GNAL: variants seen among roughly 807,000 people sequenced by gnomAD.
The protein encoded by GNAL is guanine nucleotide-binding protein G(olf) subunit alpha.
Under a neutral mutation model 55.1 loss-of-function variants are expected in GNAL, and 18 were observed. That is an observed-to-expected ratio of 0.33 (90% CI 0.23 to 0.48). The LOEUF (loss-of-function observed/expected upper bound fraction) is 0.48, where lower values mean the gene tolerates loss of function less well. GNAL is among the 20% of genes least tolerant of loss of function. The probability of loss-of-function intolerance (pLI) is 0.99; values close to 1 mark genes in which losing one functional copy is unlikely to be tolerated. For synonymous variants in GNAL, 253 were observed against 237.0 expected, an observed-to-expected ratio of 1.07 and a Z score of -0.62; for missense variants, 412 against 614.1, an observed-to-expected ratio of 0.67 and a Z score of 3.48.
chr18:11,753,727 T>G, intron 3 of GNAL, 45 bp downstream of exon 3: 2 of 1,459,936 alleles, frequency 1.4e-6, no homozygotes, highest in African/African-American at 1.4e-5. Flanking sequence ...GGTCAAGTGC[T>G]CTTCATTCTA....
At position 11,867,150 on chromosome 18, in the gene GNAL, C is replaced by A. The variant is rs2036281840; in HGVS notation, c.852-18C>A. On this transcript the variant is annotated intron_variant, in intron 7 of 11. Coordinates refer to ENST00000334049, the MANE Select transcript of GNAL (RefSeq NM_182978.4). Reference sequence around the variant, plus strand: ...CCTGCTTCCCCCAAATAATTGTGTTCCTCTTGCTCTTCCACAGCATGTTTG... The same window carrying A: ...CCTGCTTCCCCCAAATAATTGTGTTACTCTTGCTCTTCCACAGCATGTTTG... The A allele has an allele frequency of 1.9e-6, 3 of 1,596,062 alleles. No homozygotes were observed. Among genetic ancestry groups the A allele is most frequent in the East Asian group, 4.5e-5 (2 of 44,776 alleles).
chr18:11,843,449 A>C (rs375586670), intron 5 of GNAL, among the ~76,000 whole-genome samples: 1 of 151,718 alleles, frequency 6.6e-6, no homozygotes, highest in Non-Finnish European at 1.5e-5. Context: ...CACTTGAAGC[A>C]GGGAGGTGGA....
intron 1 of GNAL, among the ~76,000 whole-genome samples, chr18:11,737,586 G>C (rs1216666730): frequency 2.6e-5 from 4 of 152,158 alleles, no homozygotes; most frequent in Admixed American, 2.6e-4. Context: ...CCTTCCTTCT[G>C]AAAGCACAGC....
intron 1 of GNAL, among the ~76,000 whole-genome samples, chr18:11,729,381 A>G (rs562409345): frequency 1.3e-5 from 2 of 152,110 alleles, no homozygotes; most frequent in East Asian, 3.9e-4. Context: ...CTGCTCACCA[A>G]TTCCAGAGCT....
chr18:11,825,729 CAAAA>C (rs60460793), intron 5 of GNAL, among the ~76,000 whole-genome samples: 3 of 76,928 alleles, frequency 3.9e-5, no homozygotes, highest in African/African-American at 9.2e-5. Context: ...GACTCTGTCT[CAAAA>C]AAAAAAAAAA....
At chr18:11,726,957 G>A (rs1396328224) in intron 1 of GNAL, among the ~76,000 whole-genome samples, 2 of 151,542 alleles carry the variant, frequency 1.3e-5, no homozygotes, top group East Asian at 3.9e-4. Context: ...CTTAAGGTTA[G>A]AAAACATTTG....
At chr18:11,836,447 C>A (rs969735606) in intron 5 of GNAL, among the ~76,000 whole-genome samples, 4 of 151,944 alleles carry the variant, frequency 2.6e-5, no homozygotes, top group Admixed American at 6.6e-5. Context: ...ACTCTTATCT[C>A]AAAAAATAAT....
intron 1 of GNAL, among the ~76,000 whole-genome samples, chr18:11,716,500 G>A (rs1050224908): frequency 2.6e-5 from 4 of 152,170 alleles, no homozygotes; most frequent in Admixed American, 1.3e-4. Flanking sequence ...AGGTTGCCAC[G>A]GCTGGCTCTG....
intron 11 of GNAL, among the ~76,000 whole-genome samples, chr18:11,878,341 C>T (rs533992659): frequency 3.2e-4 from 48 of 152,220 alleles, no homozygotes; most frequent in African/African-American, 1.1e-3. Flanking sequence ...GTCCCAGCTA[C>T]TCAGGAGGCT....
chr18:11,835,334 C>A (rs1397297700), intron 5 of GNAL, among the ~76,000 whole-genome samples: 1 of 149,640 alleles, frequency 6.7e-6, no homozygotes. Flanking sequence ...TTTTTAAGTA[C>A]AATAAAATGA....
chr18:11,818,737 A>C (rs1047316028), intron 4 of GNAL, among the ~76,000 whole-genome samples: 6 of 152,242 alleles, frequency 3.9e-5, no homozygotes, highest in Non-Finnish European at 7.3e-5. Flanking sequence ...CTAAGCTTTC[A>C]CACAGTGAAC....
intron 5 of GNAL, chr18:11,851,484 G>A: frequency 6.6e-7 from 1 of 1,509,420 alleles, no homozygotes; most frequent in Admixed American, 2.4e-5. Context: ...TCTCAGCCGG[G>A]CCGCCGACCC....
At chr18:11,812,619 G>A (rs1394796734) in intron 4 of GNAL, among the ~76,000 whole-genome samples, 2 of 151,590 alleles carry the variant, frequency 1.3e-5, no homozygotes, top group Non-Finnish European at 2.9e-5. Flanking sequence ...CAAGGTGGGT[G>A]GATCACCTGA....
intron 1 of GNAL, among the ~76,000 whole-genome samples, chr18:11,728,025 G>A (rs9967000): frequency 0.041 from 6,174 of 152,126 alleles, 192 homozygotes; most frequent in African/African-American, 0.079. Context: ...CCAGGAGTTC[G>A]AGACCAGCCT....
In GNAL at chr18:11,707,352, C is replaced by A. The variant is rs11873354; in HGVS notation, c.376+17413C>A. ...ACAGGCATGAAAACAATATTAATCT[C>A]CTTGTACATCTCCATCAGAGCTCTT... On this transcript the variant is annotated intron_variant, in intron 1 of 11. Coordinates refer to ENST00000334049, the MANE Select transcript of GNAL (RefSeq NM_182978.4). Among the ~76,000 whole-genome samples the A allele has an allele frequency of 6.2e-3, 937 of 152,320 alleles. 4 individuals are homozygous for A. The highest frequency in any genetic ancestry group is 0.021 in the African/African-American group (877 of 41,556).
rs1598429200 is a variant in GNAL at position 11,752,561 on chromosome 18, A to C, written c.377-292A>C. ...GAGCGCCTGGCTTACAAGGCTACCC[A>C]CCGCCTGCTGCTCCTGGGTAAGGCC... is the stretch of plus-strand genomic sequence containing the variant. On this transcript the variant is annotated intron_variant, in intron 1 of 11. Transcript: ENST00000334049. The surrounding 1 kb of genome is among the most constrained non-coding windows in gnomAD (Gnocchi z 4.5). The C allele has an allele frequency of 6.2e-7, 1 of 1,609,500 alleles. No homozygotes were observed. The highest frequency in any genetic ancestry group is 8.5e-7 in the Non-Finnish European group (1 of 1,178,286).
intron 5 of GNAL, among the ~76,000 whole-genome samples, chr18:11,850,870 C>A (rs1250567838): frequency 6.6e-6 from 1 of 152,184 alleles, no homozygotes; most frequent in East Asian, 1.9e-4. Context: ...AGAACTCTAG[C>A]ACAAATTGTA....
rs574251032 is a variant in GNAL, at chr18:11,752,314, G to A, written c.377-539G>A. The A allele has an allele frequency of 6.1e-6, 9 of 1,473,818 alleles. No homozygotes were observed. The highest frequency in any genetic ancestry group is 4.4e-5 in the African/African-American group (3 of 68,380). 91.3% of individuals were successfully genotyped at this position (1,473,818 alleles called of 1,614,324 possible). ...GAATCGGAAAACACCGAAGAGACCA[G>A]ACCATCTCTTTCAGCAGCAGGAAAG... On this transcript the variant is annotated intron_variant, in intron 1 of 11. Coordinates refer to ENST00000334049, the MANE Select transcript of GNAL (RefSeq NM_182978.4). This position sits in a 1 kb window ranked among gnomAD's most constrained non-coding sequence, Gnocchi z 4.5.
At chr18:11,731,782 A>G (rs1006184767) in intron 1 of GNAL, among the ~76,000 whole-genome samples, 1 of 152,214 alleles carries the variant, frequency 6.6e-6, no homozygotes, top group African/African-American at 2.4e-5. Flanking sequence ...GGACTGGAAT[A>G]TCTAATTCCC....
Sources: allele counts gnomAD v4.1 joint callset (sites outside exome capture counted in the v4.1 genomes callset), GRCh38; gene constraint gnomAD v4.1.1; non-coding constraint Gnocchi (gnomAD v3.1); transcripts MANE v1.5; gene names NCBI Gene and HGNC (gene_info 2026-07-23, HGNC 2026-07-21).